The following SNU13 variants were observed in gnomAD, a reference collection of about 807,000 sequenced individuals.
The protein encoded by SNU13 is small nuclear ribonucleoprotein 13.
Under a neutral mutation model 12.4 loss-of-function variants are expected in SNU13, and 2 were observed. The observed-to-expected ratio is 0.16, with a 90% CI of 0.07 to 0.51. The LOEUF (loss-of-function observed/expected upper bound fraction) is 0.51. Among genes scored for constraint, SNU13 ranks in the 20% least tolerant of loss-of-function variants. SNU13 has a pLI of 0.96. For missense variants in SNU13, 66 were observed against 157.8 expected (o/e 0.42, Z 3.12); for synonymous variants, 68 against 66.5 (o/e 1.02, Z -0.11).
chr22:41,687,204 G>A (rs1446214249), intron 1 of SNU13, among the ~76,000 whole-genome samples: 10 of 151,950 alleles, frequency 6.6e-5, no homozygotes, highest in Non-Finnish European at 4.4e-5. Context: ...TGATCCACCC[G>A]CCTCAGCCTC....
intron 1 of SNU13, among the ~76,000 whole-genome samples, chr22:41,686,458 C>T (rs1280822464): frequency 6.6e-6 from 1 of 151,860 alleles, no homozygotes; most frequent in Non-Finnish European, 1.5e-5. Flanking sequence ...GCATGCACCA[C>T]CACGCCCAGC....
upstream of SNU13, among the ~76,000 whole-genome samples, chr22:41,689,853 C>CT (rs1196071274): frequency 6.6e-6 from 1 of 151,984 alleles, no homozygotes; most frequent in Non-Finnish European, 1.5e-5. Context: ...TGGCGCATGC[C>CT]TGTAATCCCA....
At chr22:41,682,206 C>T (rs1033401502) in intron 1 of SNU13, 13 of 788,434 alleles carry the variant, frequency 1.6e-5, no homozygotes, top group Non-Finnish European at 2.8e-5. Flanking sequence ...ATCTATAGCG[C>T]CTGCCTCGGT....
At chr22:41,682,459 C>A in intron 1 of SNU13, 1 of 1,602,494 alleles carries the variant, frequency 6.2e-7, no homozygotes, top group Non-Finnish European at 8.5e-7. Context: ...GGATGCCCCG[C>A]CCCCAAGAGC....
At chr22:41,689,087 C>T, upstream of SNU13, 1 of 1,148,642 alleles carries the variant, frequency 8.7e-7, no homozygotes, top group Non-Finnish European at 1.1e-6. Flanking sequence ...ACCGGCCGGC[C>T]GCAGCGGCTT....
chr22:41,688,782 G>A lies in SNU13; in HGVS notation c.3+12C>T, dbSNP rs750857288. 1.4e-5 allele frequency: 22 copies of A among 1,600,726 alleles called. No individual in the cohort carries two copies. In the South Asian group the frequency reaches 2.3e-4, roughly 17 times the overall value. ...CCCGCTTCCCGGTCCCTCGGCCGGCGCACGCACTCACCATGGCTGCGGTTC... is the reference window on the plus strand; with the variant it reads ...CCCGCTTCCCGGTCCCTCGGCCGGCACACGCACTCACCATGGCTGCGGTTC... On this transcript the variant is annotated intron_variant, in intron 1 of 2. Coordinates refer to ENST00000401959, the MANE Select transcript of SNU13 (RefSeq NM_001003796.2).
At chr22:41,683,435 CTTA>C (rs879284967) in intron 1 of SNU13, among the ~76,000 whole-genome samples, 4 of 152,188 alleles carry the variant, frequency 2.6e-5, no homozygotes, top group East Asian at 1.9e-4. Flanking sequence ...GAGGCACTGT[CTTA>C]TTATGTTGTC....
At chr22:41,689,128 G>C (rs2068339183), upstream of SNU13, 1 of 1,058,826 alleles carries the variant, frequency 9.4e-7, no homozygotes, top group Non-Finnish European at 1.1e-6. Context: ...TTGGGAGGCC[G>C]AGGCGGGCGC....
chr22:41,688,926 G>T (rs900389396), upstream of SNU13: 2 of 1,437,022 alleles, frequency 1.4e-6, no homozygotes, highest in Non-Finnish European at 1.8e-6. Context: ...CGAAGGTGAC[G>T]CTACGCGAGC....
chr22:41,681,257 A>G (rs913702458), intron 1 of SNU13: 2 of 152,264 alleles, frequency 1.3e-5, no homozygotes, highest in Non-Finnish European at 2.9e-5. Context: ...TTCTTAGGAT[A>G]TATCCTATCA....
intron 1 of SNU13, among the ~76,000 whole-genome samples, chr22:41,685,400 C>T (rs956254681): frequency 1.3e-5 from 2 of 151,904 alleles, no homozygotes; most frequent in African/African-American, 2.4e-5. Flanking sequence ...GTTGCCCAGG[C>T]TGGAGTGCAG....
chr22:41,682,771 C>T (rs954205316), intron 1 of SNU13: 7 of 230,422 alleles, frequency 3.0e-5, no homozygotes. Context: ...GCCTCAGCCT[C>T]CTGAGTACCT....
intron 1 of SNU13, among the ~76,000 whole-genome samples, chr22:41,686,212 G>A (rs935994342): frequency 1.2e-4 from 18 of 151,196 alleles, no homozygotes; most frequent in Non-Finnish European, 2.5e-4. Context: ...TGTTCCACTT[G>A]TTCTGTTTCT....
At chr22:41,682,316 GGAGGTGACCCGGA>G in intron 1 of SNU13, 1 of 1,588,596 alleles carries the variant, frequency 6.3e-7, no homozygotes, top group Non-Finnish European at 8.6e-7. Flanking sequence ...ACAGCTCTCG[GGAGGTGACCCGGA>G]GATAATGGCC....
chr22:41,689,086 C>A, upstream of SNU13: 1 of 1,152,260 alleles, frequency 8.7e-7, no homozygotes, highest in Non-Finnish European at 1.1e-6. Flanking sequence ...CACCGGCCGG[C>A]CGCAGCGGCT....
chr22:41,687,195 G>A (rs2068318102), intron 1 of SNU13, among the ~76,000 whole-genome samples: 2 of 151,614 alleles, frequency 1.3e-5, no homozygotes. Context: ...CGGACCCCAT[G>A]ATCCACCCGC....
At position 41,688,848 on chromosome 22, in the gene SNU13, A is replaced by G. The variant is rs1601578808; in HGVS notation, c.-52T>C. On this transcript the variant is annotated 5_prime_UTR_variant, in exon 1 of 3. Coordinates refer to ENST00000401959, the MANE Select transcript of SNU13 (RefSeq NM_001003796.2). ...CCTAGGGGAGCGCAGCTGACGTTTC[A>G]GAAGCACTCGCGTGCACCGGAAAAA... The G allele has an allele frequency of 2.6e-6, 4 of 1,557,676 alleles. No individual in the cohort carries two copies. The East Asian group carries it at 6.9e-5, about 27-fold the overall frequency.
At chr22:41,679,061 C>A (rs372330872) in intron 2 of SNU13, among the ~76,000 whole-genome samples, 1 of 151,994 alleles carries the variant, frequency 6.6e-6, no homozygotes, top group Admixed American at 6.6e-5. Context: ...AGTTTAAGAC[C>A]AGCCTGGGCG....
At chr22:41,682,328 G>A (rs2068270914) in intron 1 of SNU13, 6 of 1,603,936 alleles carry the variant, frequency 3.7e-6, no homozygotes, top group Non-Finnish European at 5.1e-6. Context: ...AGGTGACCCG[G>A]AGATAATGGC....
Sources: allele counts gnomAD v4.1 joint callset (sites outside exome capture counted in the v4.1 genomes callset), GRCh38; gene constraint gnomAD v4.1.1; transcripts MANE v1.5; gene names NCBI Gene and HGNC (gene_info 2026-07-23, HGNC 2026-07-21).